The following SSBP3 variants were observed in gnomAD, a reference collection of about 807,000 sequenced individuals.
SSBP3 encodes the protein single-stranded DNA-binding protein 3.
Under a neutral mutation model 69.6 loss-of-function variants are expected in SSBP3, and 5 were observed. The ratio of observed to expected loss-of-function variants is 0.07; its 90% CI spans 0.04 to 0.15. SSBP3 has a LOEUF of 0.15. Ranked by LOEUF, SSBP3 falls within the 10% of genes least tolerant of loss-of-function variation. The pLI is 1.00. For missense variants in SSBP3, 312 were observed against 534.0 expected (o/e 0.58, Z 4.10); for synonymous variants, 196 against 193.4 (o/e 1.01, Z -0.11).
chr1:54,318,966 A>G (rs1437630104), intron 4 of SSBP3, among the ~76,000 whole-genome samples: 1 of 152,166 alleles, frequency 6.6e-6, no homozygotes, highest in Admixed American at 6.5e-5. Context: ...GGCAATTCCC[A>G]TTCTATGGAT....
intron 4 of SSBP3, among the ~76,000 whole-genome samples, chr1:54,332,838 G>A (rs1646441525): frequency 6.6e-6 from 1 of 152,198 alleles, no homozygotes; most frequent in Non-Finnish European, 1.5e-5. Context: ...CAGATTCAGT[G>A]CCCACAGGGG....
At chr1:54,343,979 T>C (rs765904325) in intron 4 of SSBP3, among the ~76,000 whole-genome samples, 83 of 152,102 alleles carry the variant, frequency 5.5e-4, no homozygotes, top group Non-Finnish European at 1.1e-3. Context: ...TGTACTTCCA[T>C]GGGATCCAAG....
intron 5 of SSBP3, among the ~76,000 whole-genome samples, chr1:54,271,990 G>A (rs935278505): frequency 7.9e-5 from 12 of 152,036 alleles, no homozygotes; most frequent in Non-Finnish European, 2.9e-5. Context: ...GGCTGGTCTC[G>A]AACTCCCGAC....
At chr1:54,392,238 G>A (rs573295017) in intron 4 of SSBP3, among the ~76,000 whole-genome samples, 1 of 152,286 alleles carries the variant, frequency 6.6e-6, no homozygotes, top group South Asian at 2.1e-4. Context: ...AATTTCCCGA[G>A]AACTCTCTAA....
chr1:54,241,138 C>CCCCT (rs1414854067), intron 12 of SSBP3, among the ~76,000 whole-genome samples, 179 bp from the exon 13 acceptor site: 1 of 152,194 alleles, frequency 6.6e-6, no homozygotes, highest in Non-Finnish European at 1.5e-5. Context: ...ACCTGGATGT[C>CCCCT]CCCTGTCCCT....
intron 4 of SSBP3, among the ~76,000 whole-genome samples, chr1:54,329,217 C>A (rs1304920315): frequency 8.6e-6 from 1 of 116,716 alleles, no homozygotes; most frequent in Non-Finnish European, 1.6e-5. Context: ...GGGAGGCAAA[C>A]AGCCTGTGAC....
At chr1:54,271,044 A>G (rs1406223146) in intron 5 of SSBP3, among the ~76,000 whole-genome samples, 2 of 152,210 alleles carry the variant, frequency 1.3e-5, no homozygotes, top group Non-Finnish European at 2.9e-5. Flanking sequence ...CTGCTGGTCA[A>G]CACGGATCCT....
intron 4 of SSBP3, among the ~76,000 whole-genome samples, chr1:54,330,350 G>C (rs1646386128): frequency 6.6e-6 from 1 of 152,180 alleles, no homozygotes. Context: ...GGCTCAAGTA[G>C]TGGTTCAGGG....
chr1:54,281,994 G>A (rs1484494089), intron 4 of SSBP3, among the ~76,000 whole-genome samples: 2 of 151,690 alleles, frequency 1.3e-5, no homozygotes, highest in Non-Finnish European at 1.5e-5. Context: ...TACTCGGGAG[G>A]TTGAGGTCAG....
intron 10 of SSBP3, 58 bp from the exon 11 acceptor site, chr1:54,242,270 T>G: frequency 2.5e-6 from 4 of 1,601,186 alleles, no homozygotes; most frequent in Non-Finnish European, 3.4e-6. Context: ...CTCCAAGCGG[T>G]GGAGGCAGCA....
In SSBP3 at chr1:54,279,488, A is replaced by G. The variant is rs115174898; in HGVS notation, c.366+1950T>C. 1.6e-3 allele frequency among the ~76,000 whole-genome samples: 243 copies of G among 152,374 alleles called. 2 individuals are homozygous for G. Among genetic ancestry groups the G allele is most frequent in the African/African-American group, 5.5e-3 (229 of 41,596 alleles). ...GAAGCCAATGGCCTATTTTTAAAAC[A>G]TACAACTAGGTATTGTCTACCTCTT... On this transcript the variant is annotated intron_variant, in intron 5 of 17. Coordinates refer to ENST00000610401, the Ensembl canonical transcript of SSBP3.
chr1:54,300,505 C>A (rs1483126324), intron 4 of SSBP3, among the ~76,000 whole-genome samples: 24 of 152,214 alleles, frequency 1.6e-4, no homozygotes, highest in Admixed American at 1.6e-3. Context: ...ATTAATGACA[C>A]AAATGGCCAA....
rs758827003 is a variant in SSBP3, at chr1:54,239,058, C to G, written c.927+71G>C. ...GCTGAAATCAATTAAACTTGCTTTCCCCTCAGCTGATGAAGTTAATTATGA... is the reference window on the plus strand; with the variant it reads ...GCTGAAATCAATTAAACTTGCTTTCGCCTCAGCTGATGAAGTTAATTATGA... On this transcript the variant is annotated intron_variant, in intron 14 of 17. Transcript: ENST00000610401. 1.3e-5 allele frequency: 17 copies of G among 1,311,240 alleles called. 1 individual carries two copies. The East Asian group carries it at 3.9e-4, about 30-fold the overall frequency. 81.2% of individuals were successfully genotyped at this position (1,311,240 alleles called of 1,614,324 possible).
At chr1:54,359,967 G>A (rs1353197327) in intron 4 of SSBP3, among the ~76,000 whole-genome samples, 1 of 152,074 alleles carries the variant, frequency 6.6e-6, no homozygotes, top group Non-Finnish European at 1.5e-5. Flanking sequence ...ACTACTGGGT[G>A]TGTGACTCAA....
intron 4 of SSBP3, among the ~76,000 whole-genome samples, chr1:54,282,468 T>C (rs1468658577): frequency 1.3e-5 from 2 of 152,218 alleles, no homozygotes; most frequent in African/African-American, 4.8e-5. Context: ...TCATTCCTTT[T>C]CTCTTTAAAC....
intron 4 of SSBP3, among the ~76,000 whole-genome samples, chr1:54,375,733 C>T (rs1647209992): frequency 6.6e-6 from 1 of 152,210 alleles, no homozygotes; most frequent in Admixed American, 6.5e-5. Flanking sequence ...AAGTAACAGC[C>T]TTTAAAGGGT....
At chr1:54,364,017 T>C (rs915985775) in intron 4 of SSBP3, among the ~76,000 whole-genome samples, 10 of 152,184 alleles carry the variant, frequency 6.6e-5, no homozygotes, top group Non-Finnish European at 1.2e-4. Context: ...AAGAACTTCT[T>C]CCTTTACAGA....
intron 4 of SSBP3, among the ~76,000 whole-genome samples, chr1:54,341,948 A>G (rs927097610): frequency 1.3e-5 from 2 of 152,226 alleles, no homozygotes; most frequent in Non-Finnish European, 2.9e-5. Context: ...AAGAAGCCCA[A>G]TGTGGCTGGA....
intron 4 of SSBP3, among the ~76,000 whole-genome samples, chr1:54,300,673 G>A (rs919942346): frequency 7.9e-5 from 12 of 152,168 alleles, no homozygotes; most frequent in African/African-American, 2.4e-5. Context: ...TTCCACATGT[G>A]TGAAATTTTG....
Sources: allele counts gnomAD v4.1 joint callset (sites outside exome capture counted in the v4.1 genomes callset), GRCh38; gene constraint gnomAD v4.1.1; transcripts MANE v1.5; gene names NCBI Gene and HGNC (gene_info 2026-07-23, HGNC 2026-07-21).